Variants in DYM observed in about 807,000 individuals in gnomAD.
DYM encodes the protein dyggve-Melchior-Clausen syndrome protein.
Under a neutral mutation model 93.1 loss-of-function variants are expected in DYM, and 78 were observed. The ratio of observed to expected loss-of-function variants is 0.84; its 90% CI spans 0.70 to 1.01. The LOEUF (loss-of-function observed/expected upper bound fraction) is 1.01, where lower values mean the gene tolerates loss of function less well. Among genes scored for constraint, DYM ranks in the 50% least tolerant of loss-of-function variants. DYM has a pLI of 0.00. For synonymous variants in DYM, 321 were observed against 319.7 expected (o/e 1.00, Z -0.04); for missense variants, 789 against 845.0 (o/e 0.93, Z 0.82).
At chr18:49,077,982 T>C (rs1259337201) in intron 17 of DYM, among the ~76,000 whole-genome samples, 1 of 151,826 alleles carries the variant, frequency 6.6e-6, no homozygotes, top group Non-Finnish European at 1.5e-5. Context: ...GCCAATATCA[T>C]ATTTTGCTTT....
At position 49,221,956 on chromosome 18, in the gene DYM, G is replaced by C. The variant is rs187134572; in HGVS notation, c.1461-12241C>G. Among the ~76,000 whole-genome samples the C allele has an allele frequency of 1.3e-4, 19 of 148,122 alleles. No homozygotes were observed. In the East Asian group the frequency reaches 2.8e-3, roughly 22 times the overall value. On this transcript the variant is annotated intron_variant, in intron 13 of 17. Transcript: ENST00000675505. ...GAGAATCAGGCAGCAACCTTTATTT[G>C]GTCATTTGGATAAAAGTACTGTTAT...
intron 1 of DYM, among the ~76,000 whole-genome samples, chr18:49,446,946 C>G (rs1270104159): frequency 6.6e-6 from 1 of 151,830 alleles, no homozygotes; most frequent in Non-Finnish European, 1.5e-5. Flanking sequence ...GTAATCCCAG[C>G]TACTTGGGAG....
intron 13 of DYM, among the ~76,000 whole-genome samples, chr18:49,214,409 A>C (rs2092933427): frequency 6.6e-6 from 1 of 152,166 alleles, no homozygotes; most frequent in Admixed American, 6.5e-5. Flanking sequence ...TCTGATCTGA[A>C]GTGGAACGGT....
chr18:49,230,895 G>A (rs1435515192), intron 13 of DYM, among the ~76,000 whole-genome samples: 1 of 152,058 alleles, frequency 6.6e-6, no homozygotes, highest in Non-Finnish European at 1.5e-5. Context: ...CCTATATGTA[G>A]AAATAAGTAA....
rs376308649 is a variant in DYM, at chr18:49,097,491, A to G, written c.1936T>C (p.Leu646=). The G allele has an allele frequency of 3.1e-6, 5 of 1,614,014 alleles. No individual in the cohort carries two copies. Among genetic ancestry groups the G allele is most frequent in the Non-Finnish European group, 4.2e-6 (5 of 1,179,922 alleles). The change falls in exon 17 of 18, where the codon TTG becomes CTG. Residue 646 remains leucine, a synonymous_variant. Coordinates refer to ENST00000675505, the MANE Select transcript of DYM (RefSeq NM_001353214.3). ...GACAGCTCAGCTCCAGCTTGCAGCA[A>G]CCTTGAGCTAAAGAAGGAGATCACC... ...DLVISFFSSR[L]LQAGAELSVE... is the part of the protein sequence containing the mutation.
intron 6 of DYM, among the ~76,000 whole-genome samples, chr18:49,345,687 TAG>T (rs2147082233): frequency 6.6e-6 from 1 of 152,302 alleles, no homozygotes; most frequent in East Asian, 1.9e-4. Context: ...AATCAGCTTA[TAG>T]ATCCTTAAGC....
At chr18:49,286,412 T>G in intron 9 of DYM, 22 bp downstream of exon 9, 1 of 1,613,166 alleles carries the variant, frequency 6.2e-7, no homozygotes, top group South Asian at 1.1e-5. Context: ...ACAAAGAATA[T>G]TAGAGAAAAA....
rs1284069059 is a variant in DYM at position 49,331,917 on chromosome 18, G to A, written c.710C>T (p.Pro237Leu). 2 of 1,614,114 alleles carry A rather than the reference G, an allele frequency of 1.2e-6. No homozygotes were observed. The highest frequency in any genetic ancestry group is 1.7e-6 in the Non-Finnish European group (2 of 1,180,006). The change falls in exon 8 of 18, where the codon CCT (proline) becomes CTT (leucine). Residue 237 changes from proline (P) to leucine (L), a missense_variant. Coordinates refer to ENST00000675505, the MANE Select transcript of DYM (RefSeq NM_001353214.3). Reference protein sequence around the residue: ...KPPPPGAHVFPQQSDGGGLLY... With the variant: ...KPPPPGAHVFLQQSDGGGLLY... ...CAGTCCTCCCCCATCCGACTGCTGA[G>A]GGAAAACATGGGCCCCTGGAGGAGG...
chr18:49,222,754 C>T (rs1361460127), intron 13 of DYM, among the ~76,000 whole-genome samples: 1 of 152,114 alleles, frequency 6.6e-6, no homozygotes, highest in African/African-American at 2.4e-5. Context: ...AGCATTACTC[C>T]CCTCTTTCCA....
chr18:49,392,681 T>TAAA lies in DYM; in HGVS notation c.141-1039_141-1037dup, dbSNP rs869086187. Among the ~76,000 whole-genome samples, 147 of 68,492 alleles carry TAAA rather than the reference T, an allele frequency of 2.1e-3. 3 individuals are homozygous for TAAA. The highest frequency in any genetic ancestry group is 5.6e-3 in the South Asian group (8 of 1,440). The allele number at this position is 68,492 out of a possible 152,430, so 44.9% of individuals were successfully genotyped here. On this transcript the variant is annotated intron_variant, in intron 2 of 17. Coordinates refer to ENST00000675505, the MANE Select transcript of DYM (RefSeq NM_001353214.3). Reference sequence around the variant, plus strand: ...CACACCCATTGGGATGGCTTTTATTTAAAAAAAAAAAAAAAAAAAAAAAAA... The same window carrying TAAA: ...CACACCCATTGGGATGGCTTTTATTTAAAAAAAAAAAAAAAAAAAAAAAAAAAA...
chr18:49,282,264 C>T, intron 9 of DYM, 89 bp from the exon 10 acceptor site: 2 of 1,215,954 alleles, frequency 1.6e-6, no homozygotes, highest in Non-Finnish European at 2.4e-6. Flanking sequence ...CAACTCAATT[C>T]CCATTAATTT....
chr18:49,149,247 G>C (rs544015564), intron 15 of DYM, among the ~76,000 whole-genome samples: 1 of 152,088 alleles, frequency 6.6e-6, no homozygotes, highest in Non-Finnish European at 1.5e-5. Flanking sequence ...ATGAAGCTTT[G>C]CTCACTTGCC....
intron 1 of DYM, among the ~76,000 whole-genome samples, chr18:49,435,730 A>C (rs1288987371): frequency 2.6e-5 from 4 of 152,218 alleles, no homozygotes; most frequent in Non-Finnish European, 5.9e-5. Context: ...TGGAGGTTGC[A>C]GTGAACCGAG....
intron 2 of DYM, among the ~76,000 whole-genome samples, chr18:49,399,350 G>C (rs1007654228): frequency 3.9e-5 from 6 of 152,176 alleles, no homozygotes; most frequent in Non-Finnish European, 8.8e-5. Flanking sequence ...CAGAGAGCCT[G>C]GCATGCCCTG....
chr18:49,440,549 TATATA>T (rs1185438719), intron 1 of DYM, among the ~76,000 whole-genome samples: 213 of 1,680 alleles, frequency 0.13, 3 homozygotes, highest in African/African-American at 0.22. Context: ...ATTATATATT[TATATA>T]ATATATGACT....
At chr18:49,215,499 C>A (rs1021727579) in intron 13 of DYM, among the ~76,000 whole-genome samples, 1 of 152,170 alleles carries the variant, frequency 6.6e-6, no homozygotes, top group Non-Finnish European at 1.5e-5. Context: ...TTATTGCCAT[C>A]CAGATCCAGG....
chr18:49,063,013 G>C (rs944741032), intron 17 of DYM, among the ~76,000 whole-genome samples: 2 of 152,188 alleles, frequency 1.3e-5, no homozygotes, highest in African/African-American at 4.8e-5. Flanking sequence ...GCCATGATCG[G>C]TTTTTAGCCA....
chr18:49,398,065 G>A (rs1312443092), intron 2 of DYM, among the ~76,000 whole-genome samples: 1 of 152,024 alleles, frequency 6.6e-6, no homozygotes, highest in Non-Finnish European at 1.5e-5. Context: ...TGAATATCCC[G>A]TTACCTTAAG....
At chr18:49,445,601 T>A (rs1486968880) in intron 1 of DYM, among the ~76,000 whole-genome samples, 1 of 152,108 alleles carries the variant, frequency 6.6e-6, no homozygotes, top group Non-Finnish European at 1.5e-5. Flanking sequence ...ATATTAATAG[T>A]AACAGTTCCA....
Sources: gnomAD v4.1 joint callset for allele counts (sites outside exome capture counted in the v4.1 genomes callset) on GRCh38, gnomAD v4.1.1 for gene constraint, MANE v1.5 for transcripts, NCBI Gene and HGNC (gene_info 2026-07-23, HGNC 2026-07-21) for gene names.